PHLPP1: variants seen among roughly 807,000 people sequenced by gnomAD.
PHLPP1 encodes PH domain leucine-rich repeat-containing protein phosphatase 1.
PHLPP1 carries 42 observed loss-of-function variants against 117.2 expected under a neutral mutation model. That is an observed-to-expected ratio of 0.36 (90% CI 0.28 to 0.46). The LOEUF (loss-of-function observed/expected upper bound fraction) is 0.46, where lower values mean the gene tolerates loss of function less well. PHLPP1 is among the 20% of genes least tolerant of loss of function. PHLPP1 has a pLI of 1.00. For synonymous variants in PHLPP1, 1,042 were observed against 970.7 expected, an observed-to-expected ratio of 1.07 and a Z score of -1.37; for missense variants, 2,084 against 2,241.9, an observed-to-expected ratio of 0.93 and a Z score of 1.42.
rs946838068 is a variant in PHLPP1 at position 62,869,018 on chromosome 18, T to G, written c.2066+8417T>G. Among the ~76,000 whole-genome samples, 6 of 152,374 alleles carry G rather than the reference T, an allele frequency of 3.9e-5. No homozygotes were observed. In the East Asian group the frequency reaches 1.2e-3, roughly 29 times the overall value. ...AAATCTCAAGATGAAGAAGAATCAT[T>G]GAGAATACTCAAGCTGTATGTATAA... On this transcript the variant is annotated intron_variant, in intron 4 of 16. Transcript: ENST00000262719.
At chr18:62,934,526 C>T (rs1234554158) in intron 10 of PHLPP1, among the ~76,000 whole-genome samples, 1 of 152,126 alleles carries the variant, frequency 6.6e-6, no homozygotes, top group Admixed American at 6.5e-5. Flanking sequence ...AGTGTATACA[C>T]ATGGCCATAA....
At chr18:62,834,007 T>C (rs925032210) in intron 2 of PHLPP1, among the ~76,000 whole-genome samples, 2 of 152,190 alleles carry the variant, frequency 1.3e-5, no homozygotes, top group Admixed American at 1.3e-4. Flanking sequence ...AATATAAGCA[T>C]AAGTAATGCC....
chr18:62,892,935 C>T (rs965450503), intron 4 of PHLPP1, among the ~76,000 whole-genome samples: 1 of 151,932 alleles, frequency 6.6e-6, no homozygotes, highest in African/African-American at 2.4e-5. Context: ...CGGGTACCTC[C>T]TCTGGGGTCC....
intron 10 of PHLPP1, among the ~76,000 whole-genome samples, chr18:62,925,455 A>G (rs1482057591): frequency 3.9e-5 from 6 of 152,080 alleles, no homozygotes; most frequent in African/African-American, 1.5e-4. Flanking sequence ...GTAATTGCTC[A>G]TGTGTGCTTA....
chr18:62,800,147 C>T (rs947344682), intron 1 of PHLPP1, among the ~76,000 whole-genome samples: 7 of 152,042 alleles, frequency 4.6e-5, no homozygotes, highest in Non-Finnish European at 8.8e-5. Flanking sequence ...GGAGGGTGTC[C>T]GGAGAATAGA....
intron 14 of PHLPP1, among the ~76,000 whole-genome samples, chr18:62,964,753 A>C (rs967772375): frequency 6.6e-6 from 1 of 152,182 alleles, no homozygotes; most frequent in East Asian, 1.9e-4. Flanking sequence ...AGATCAAAGG[A>C]TCTTTTATGT....
intron 1 of PHLPP1, among the ~76,000 whole-genome samples, chr18:62,777,041 C>A (rs931308351): frequency 2.8e-4 from 43 of 152,196 alleles, no homozygotes; most frequent in African/African-American, 9.4e-4. Flanking sequence ...ACAAGAGTTT[C>A]TGTGAACATG....
chr18:62,793,247 A>G (rs1011521405), intron 1 of PHLPP1, among the ~76,000 whole-genome samples: 7 of 152,234 alleles, frequency 4.6e-5, no homozygotes, highest in African/African-American at 1.7e-4. Context: ...GGTGCTTGTC[A>G]TGATCAACAA....
intron 2 of PHLPP1, among the ~76,000 whole-genome samples, chr18:62,836,549 C>T (rs981700121): frequency 2.0e-5 from 3 of 151,664 alleles, no homozygotes; most frequent in African/African-American, 7.3e-5. Flanking sequence ...ACCATGGTTA[C>T]CTGTAAGTTT....
intron 1 of PHLPP1, among the ~76,000 whole-genome samples, chr18:62,733,691 G>A (rs1911289772): frequency 6.6e-6 from 1 of 152,178 alleles, no homozygotes; most frequent in South Asian, 2.1e-4. Context: ...ATAAAAAGGT[G>A]AAAAGTGTTC....
intron 4 of PHLPP1, among the ~76,000 whole-genome samples, chr18:62,872,522 G>C (rs538890775): frequency 6.6e-6 from 1 of 151,970 alleles, no homozygotes; most frequent in Admixed American, 6.5e-5. Flanking sequence ...GTGAAACCTT[G>C]TCTCAACTAA....
At chr18:62,794,794 G>A (rs538753864) in intron 1 of PHLPP1, among the ~76,000 whole-genome samples, 1 of 152,320 alleles carries the variant, frequency 6.6e-6, no homozygotes, top group East Asian at 1.9e-4. Context: ...GCACACACAG[G>A]AACTGGCCCT....
At chr18:62,961,989 C>T (rs1285737665) in intron 13 of PHLPP1, among the ~76,000 whole-genome samples, 2 of 152,176 alleles carry the variant, frequency 1.3e-5, no homozygotes, top group Non-Finnish European at 2.9e-5. Flanking sequence ...GAAGGATATA[C>T]AGTATTTGTT....
chr18:62,891,725 A>G (rs1447922033), intron 4 of PHLPP1, among the ~76,000 whole-genome samples: 2 of 86,604 alleles, frequency 2.3e-5, no homozygotes, highest in African/African-American at 8.6e-5. Context: ...CTTCGTCTCT[A>G]CAAAAAAAAA....
At chr18:62,742,709 CA>C (rs1330760917) in intron 1 of PHLPP1, among the ~76,000 whole-genome samples, 3 of 152,210 alleles carry the variant, frequency 2.0e-5, no homozygotes, top group Admixed American at 6.5e-5. Context: ...GTTGGGATTA[CA>C]GGTGTGAACC....
intron 14 of PHLPP1, among the ~76,000 whole-genome samples, chr18:62,970,864 C>T (rs757483210): frequency 3.9e-5 from 6 of 152,204 alleles, no homozygotes; most frequent in Non-Finnish European, 7.4e-5. Context: ...GGATTTCCAT[C>T]TAGTGTCATT....
chr18:62,958,939 A>G (rs1910695319), intron 13 of PHLPP1, among the ~76,000 whole-genome samples, 180 bp downstream of exon 13: 1 of 152,274 alleles, frequency 6.6e-6, no homozygotes. Flanking sequence ...CTTAAATCTC[A>G]GTAGTCACTG....
chr18:62,726,511 T>A (rs957209908), intron 1 of PHLPP1, among the ~76,000 whole-genome samples: 1 of 151,794 alleles, frequency 6.6e-6, no homozygotes, highest in African/African-American at 2.4e-5. Flanking sequence ...TCCAGGATTT[T>A]AAAAATTTTC....
At chr18:62,977,428 CAAAAAAAAAAAA>C (rs3087160) in intron 16 of PHLPP1, among the ~76,000 whole-genome samples, 2 of 74,242 alleles carry the variant, frequency 2.7e-5, no homozygotes, top group Admixed American at 1.7e-4. Context: ...GTACACGTGG[CAAAAAAAAAAAA>C]AAAAAAAAAA....
Sources: allele counts gnomAD v4.1 joint callset (sites outside exome capture counted in the v4.1 genomes callset), GRCh38; gene constraint gnomAD v4.1.1; transcripts MANE v1.5; gene names NCBI Gene and HGNC (gene_info 2026-07-23, HGNC 2026-07-21).